Variants in EIF4G3 observed in about 807,000 individuals in gnomAD.
EIF4G3 encodes eukaryotic translation initiation factor 4 gamma 3, also known as eIF-4-gamma 3.
A neutral mutation model predicts 186.4 loss-of-function variants in EIF4G3; 34 were observed. The observed-to-expected ratio is 0.18, with a 90% confidence interval of 0.14 to 0.24. The LOEUF (loss-of-function observed/expected upper bound fraction) is 0.24, where lower values mean the gene tolerates loss of function less well. EIF4G3 is among the 10% of genes least tolerant of loss of function. The pLI is 1.00. For missense variants in EIF4G3, 1,536 were observed against 1,948.5 expected (o/e 0.79, Z 3.99); for synonymous variants, 673 against 679.5 (o/e 0.99, Z 0.15).
At chr1:20,849,280 T>C (rs2072445407) in intron 29 of EIF4G3, 135 bp downstream of exon 29, 1 of 447,434 alleles carries the variant, frequency 2.2e-6, no homozygotes, top group Non-Finnish European at 3.9e-6. Context: ...TTAAGCAAAC[T>C]GAATTGTGTA....
chr1:20,865,561 TA>T (rs76034895), intron 20 of EIF4G3, among the ~76,000 whole-genome samples: 1,470 of 142,734 alleles, frequency 0.01, 6 homozygotes, highest in Middle Eastern at 0.018. Context: ...AGACCTTATT[TA>T]AAAAAAAAAA....
intron 12 of EIF4G3, among the ~76,000 whole-genome samples, chr1:20,955,668 G>T (rs547295299): frequency 6.6e-6 from 1 of 152,158 alleles, no homozygotes; most frequent in Non-Finnish European, 1.5e-5. Context: ...ATAATGGGGG[G>T]CAGTTACTTA....
At chr1:21,116,826 G>C (rs1054252128) in intron 2 of EIF4G3, among the ~76,000 whole-genome samples, 10 of 147,410 alleles carry the variant, frequency 6.8e-5, no homozygotes, top group Non-Finnish European at 1.5e-4. Flanking sequence ...GCGACAGAGT[G>C]AGACTCCTTC....
At chr1:21,077,391 GC>G (rs2095618920) in intron 3 of EIF4G3, among the ~76,000 whole-genome samples, 1 of 147,442 alleles carries the variant, frequency 6.8e-6, no homozygotes, top group South Asian at 2.1e-4. Context: ...ACAGAGCAAG[GC>G]CCTGTCTAGA....
At chr1:21,119,192 A>G (rs1261902425) in intron 2 of EIF4G3, among the ~76,000 whole-genome samples, 1 of 152,104 alleles carries the variant, frequency 6.6e-6, no homozygotes, top group Admixed American at 6.6e-5. Flanking sequence ...AATTTTGTTT[A>G]TAACACTACT....
intron 19 of EIF4G3, among the ~76,000 whole-genome samples, chr1:20,883,253 T>C (rs1406175364): frequency 6.6e-6 from 1 of 152,070 alleles, no homozygotes; most frequent in Non-Finnish European, 1.5e-5. Context: ...CTAGGGTTGA[T>C]TAGAGACCAG....
chr1:21,073,728 G>T, intron 3 of EIF4G3: 1 of 491,790 alleles, frequency 2.0e-6, no homozygotes, highest in South Asian at 1.5e-5. Context: ...GTTAGAGACT[G>T]TATTGTAGGG....
intron 3 of EIF4G3, among the ~76,000 whole-genome samples, chr1:21,068,389 A>AAAAAAAAAAAAAC (rs1557804539): frequency 6.7e-6 from 1 of 149,976 alleles, no homozygotes; most frequent in Non-Finnish European, 1.5e-5. Flanking sequence ...AAAAAAAAAA[A>AAAAAAAAAAAAAC]AAAAAAAAAA....
intron 3 of EIF4G3, among the ~76,000 whole-genome samples, chr1:21,070,458 A>G (rs942508174): frequency 1.3e-5 from 2 of 152,192 alleles, no homozygotes; most frequent in Non-Finnish European, 2.9e-5. Flanking sequence ...ATTCAATGAC[A>G]TGTTTTCCTC....
At chr1:21,137,384 A>T (rs1011932507) in intron 2 of EIF4G3, among the ~76,000 whole-genome samples, 5 of 152,042 alleles carry the variant, frequency 3.3e-5, no homozygotes, top group African/African-American at 1.2e-4. Context: ...GCTTCAAGCG[A>T]TCCCGCCTCA....
intron 12 of EIF4G3, among the ~76,000 whole-genome samples, chr1:20,953,679 C>T (rs112989634): frequency 1.1e-3 from 173 of 152,250 alleles, no homozygotes; most frequent in African/African-American, 4.1e-3. Flanking sequence ...ATTTTAATCA[C>T]ATAAATGACA....
At chr1:21,158,435 C>CA (rs1476862543) in intron 2 of EIF4G3, among the ~76,000 whole-genome samples, 1 of 152,028 alleles carries the variant, frequency 6.6e-6, no homozygotes, top group Non-Finnish European at 1.5e-5. Context: ...CTTGGCCTCT[C>CA]AAAGTGTTAG....
intron 20 of EIF4G3, among the ~76,000 whole-genome samples, chr1:20,878,524 G>A (rs1198162669): frequency 6.6e-6 from 1 of 152,098 alleles, no homozygotes; most frequent in Non-Finnish European, 1.5e-5. Context: ...AACCCCAAAA[G>A]ACTTACCTAC....
chr1:21,170,316 T>C (rs1474428918), intron 2 of EIF4G3, among the ~76,000 whole-genome samples: 1 of 152,194 alleles, frequency 6.6e-6, no homozygotes, highest in African/African-American at 2.4e-5. Flanking sequence ...TCATGGAGTT[T>C]ACATTCTATT....
At chr1:20,890,617 G>A (rs1341528059) in intron 18 of EIF4G3, among the ~76,000 whole-genome samples, 1 of 151,874 alleles carries the variant, frequency 6.6e-6, no homozygotes, top group African/African-American at 2.4e-5. Flanking sequence ...CCTCATGCCC[G>A]GCAAATTTTT....
intron 4 of EIF4G3, among the ~76,000 whole-genome samples, chr1:21,035,118 C>G (rs1377112134): frequency 6.6e-6 from 1 of 152,102 alleles, no homozygotes. Context: ...ACTGTGCCAC[C>G]CCCACCCTGG....
chr1:20,957,840 T>G (rs893765541), intron 12 of EIF4G3, among the ~76,000 whole-genome samples: 2 of 152,018 alleles, frequency 1.3e-5, no homozygotes, highest in African/African-American at 4.8e-5. Flanking sequence ...CCTCCTACAT[T>G]AAATCAGAGG....
intron 14 of EIF4G3, among the ~76,000 whole-genome samples, chr1:20,914,668 T>C (rs2093662044): frequency 6.6e-6 from 1 of 152,182 alleles, no homozygotes; most frequent in Non-Finnish European, 1.5e-5. Flanking sequence ...ATGGGTGGGT[T>C]TTCATTTTCA....
chr1:20,903,924 CA>C (rs903424470), intron 15 of EIF4G3, among the ~76,000 whole-genome samples: 55 of 151,842 alleles, frequency 3.6e-4, no homozygotes, highest in African/African-American at 1.1e-3. Flanking sequence ...AAAGAATAGT[CA>C]AAAAAAGGGA....
Sources: gnomAD v4.1 joint callset for allele counts (sites outside exome capture counted in the v4.1 genomes callset) on GRCh38, gnomAD v4.1.1 for gene constraint, MANE v1.5 for transcripts, NCBI Gene and HGNC (gene_info 2026-07-23, HGNC 2026-07-21) for gene names.